Variants in SLC5A8 observed in about 807,000 individuals in gnomAD.
SLC5A8 encodes the protein solute carrier family 5 member 8.
A neutral mutation model predicts 71.9 loss-of-function variants in SLC5A8; 55 were observed. The observed-to-expected ratio is 0.77, with a 90% CI of 0.62 to 0.96. SLC5A8 has a LOEUF of 0.96. Ranked by LOEUF, SLC5A8 falls within the 40% of genes least tolerant of loss-of-function variation. The pLI is 0.00. For synonymous variants in SLC5A8, 307 were observed against 276.1 expected (o/e 1.11, Z -1.11); for missense variants, 701 against 745.3 (o/e 0.94, Z 0.69).
At chr12:101,177,673 T>C (rs764518724) in intron 10 of SLC5A8, among the ~76,000 whole-genome samples, 6 of 152,144 alleles carry the variant, frequency 3.9e-5, no homozygotes, top group Admixed American at 6.6e-5. Context: ...ATCCATCCTG[T>C]AAGCAGGCTA....
At chr12:101,165,873 T>G (rs1219298846) in intron 12 of SLC5A8, among the ~76,000 whole-genome samples, 1 of 152,178 alleles carries the variant, frequency 6.6e-6, no homozygotes, top group African/African-American at 2.4e-5. Context: ...CACTTATATA[T>G]CCACTAAAGA....
chr12:101,181,585 T>C (rs1250533464), intron 9 of SLC5A8, among the ~76,000 whole-genome samples: 1 of 152,192 alleles, frequency 6.6e-6, no homozygotes, highest in African/African-American at 2.4e-5. Context: ...CCATTTCCTA[T>C]ATAGAGAAAT....
At chr12:101,192,439 A>C (rs1868955698) in intron 5 of SLC5A8, among the ~76,000 whole-genome samples, 1 of 152,192 alleles carries the variant, frequency 6.6e-6, no homozygotes, top group Non-Finnish European at 1.5e-5. Flanking sequence ...GCCTATGTTA[A>C]AGCGGGGCTG....
At chr12:101,160,792 C>T (rs1430013888) in intron 13 of SLC5A8, among the ~76,000 whole-genome samples, 3 of 151,768 alleles carry the variant, frequency 2.0e-5, no homozygotes, top group Admixed American at 6.6e-5. Flanking sequence ...CTAAAAGACA[C>T]GGAGAGGAAA....
At chr12:101,175,170 A>T (rs954566027) in intron 10 of SLC5A8, among the ~76,000 whole-genome samples, 2 of 152,122 alleles carry the variant, frequency 1.3e-5, no homozygotes, top group African/African-American at 4.8e-5. Context: ...TGAAATAAAA[A>T]ATTTTAAATG....
intron 11 of SLC5A8, among the ~76,000 whole-genome samples, chr12:101,167,029 T>G (rs1566307380): frequency 6.6e-6 from 1 of 151,756 alleles, no homozygotes. Context: ...AAGAATAGTA[T>G]GTTATTCTTC....
chr12:101,179,337 C>G (rs1399746589), intron 10 of SLC5A8, among the ~76,000 whole-genome samples: 5 of 152,170 alleles, frequency 3.3e-5, no homozygotes, highest in African/African-American at 1.2e-4. Flanking sequence ...CACACAAAAA[C>G]CTTTATGTAA....
chr12:101,157,517 T>C lies in SLC5A8; in HGVS notation c.1711-116A>G, dbSNP rs2051676728. 4 of 1,270,876 alleles carry C rather than the reference T, an allele frequency of 3.1e-6. No homozygotes were observed. The South Asian group carries it at 6.3e-5, about 20-fold the overall frequency. The allele number at this position is 1,270,876 out of a possible 1,614,324, so 78.7% of individuals were successfully genotyped here. A position where few individuals can be genotyped will look rare whatever the true frequency, so the allele number is the denominator to read the frequency against. Reference sequence around the variant, plus strand: ...TCTCTGCATCAGCTTTCTAATCTACTGAGGGAGAGAAATATATAACAGGTA... The same window carrying C: ...TCTCTGCATCAGCTTTCTAATCTACCGAGGGAGAGAAATATATAACAGGTA... On this transcript the variant is annotated intron_variant, in intron 14 of 14. Transcript: ENST00000536262.
rs372037764 is a variant in SLC5A8, at chr12:101,158,276, A to G, written c.1683T>C (p.Phe561=). ...DPRYILTKED[F]LSNFDIFKKK... is the part of the protein sequence containing the mutation. ...TCTTAAAAATATCAAAATTGGATAAAAAGTCCTCTTTGGTTAGTATGTATC... is the reference window on the plus strand; with the variant it reads ...TCTTAAAAATATCAAAATTGGATAAGAAGTCCTCTTTGGTTAGTATGTATC... The change falls in exon 14 of 15, where the codon TTT becomes TTC. Residue 561 remains phenylalanine (F), a synonymous_variant. Coordinates refer to ENST00000536262, the MANE Select transcript of SLC5A8 (RefSeq NM_145913.5). 7 of 1,592,212 alleles carry G rather than the reference A, an allele frequency of 4.4e-6. No homozygotes were observed. The African/African-American group carries it at 9.5e-5, about 22-fold the overall frequency.
chr12:101,170,086 G>A (rs952332874), intron 10 of SLC5A8, among the ~76,000 whole-genome samples: 4 of 152,202 alleles, frequency 2.6e-5, no homozygotes, highest in Admixed American at 2.0e-4. Context: ...TGCAGGCAGA[G>A]GGAGAAGTCT....
At chr12:101,196,538 A>G (rs1869185825) in intron 3 of SLC5A8, among the ~76,000 whole-genome samples, 1 of 152,138 alleles carries the variant, frequency 6.6e-6, no homozygotes, top group South Asian at 2.1e-4. Context: ...TTCCACATAA[A>G]TATAAAGTTA....
intron 13 of SLC5A8, 43 bp from the exon 14 acceptor site, chr12:101,158,371 AC>A: frequency 8.2e-7 from 1 of 1,226,844 alleles, no homozygotes; most frequent in Non-Finnish European, 1.2e-6. Flanking sequence ...TAAAAAGGAC[AC>A]CAGTAACTAC....
chr12:101,173,183 G>T (rs1415899221), intron 10 of SLC5A8, among the ~76,000 whole-genome samples: 1 of 152,222 alleles, frequency 6.6e-6, no homozygotes, highest in Non-Finnish European at 1.5e-5. Flanking sequence ...TTTAAAGATA[G>T]CCGCTGGCTG....
chr12:101,188,836 G>T (rs981006621), intron 6 of SLC5A8, among the ~76,000 whole-genome samples: 5 of 152,122 alleles, frequency 3.3e-5, no homozygotes, highest in Admixed American at 3.3e-4. Flanking sequence ...ATACTCTCTT[G>T]TCCAAACACC....
intron 13 of SLC5A8, among the ~76,000 whole-genome samples, chr12:101,160,105 G>A (rs1037345299): frequency 1.8e-4 from 28 of 152,028 alleles, no homozygotes; most frequent in African/African-American, 5.8e-4. Context: ...TCCCTTGAAC[G>A]CAGGAGGCAG....
At chr12:101,195,806 C>T (rs1362701656) in intron 3 of SLC5A8, among the ~76,000 whole-genome samples, 3 of 150,602 alleles carry the variant, frequency 2.0e-5, no homozygotes, top group South Asian at 4.2e-4. Flanking sequence ...AAGCAATTCA[C>T]CTGACTCAGC....
At chr12:101,165,254 TA>T (rs2051758596) in intron 12 of SLC5A8, among the ~76,000 whole-genome samples, 2 of 152,234 alleles carry the variant, frequency 1.3e-5, no homozygotes, top group Non-Finnish European at 2.9e-5. Context: ...AGGCATAGAA[TA>T]AACTTCAGCT....
rs2051686842 is a variant in SLC5A8, at chr12:101,158,313, TTC to T, written c.1644_1645del (p.Asn549LeufsTer17). The T allele has an allele frequency of 6.3e-7, 1 of 1,584,014 alleles. No homozygotes were observed. Among genetic ancestry groups the T allele is most frequent in the South Asian group, 1.1e-5 (1 of 87,002 alleles). On this transcript the variant is annotated frameshift_variant, in exon 14 of 15. Coordinates refer to ENST00000536262, the MANE Select transcript of SLC5A8 (RefSeq NM_145913.5). LOFTEE classifies it high-confidence loss of function. The stretch of plus-strand genomic sequence containing the variant: ...GGTTAGTATGTATCTGGGGTCTAAG[TTC>T]TGTTTTCTTCCTCCTGGAAAAAAAA...
chr12:101,182,949 A>G, intron 8 of SLC5A8, 34 bp from the exon 9 acceptor site: 4 of 1,220,244 alleles, frequency 3.3e-6, no homozygotes, highest in Non-Finnish European at 4.4e-6. Context: ...GATTTATAAT[A>G]TTTTACCTTT....
Sources: allele counts gnomAD v4.1 joint callset (sites outside exome capture counted in the v4.1 genomes callset), GRCh38; gene constraint gnomAD v4.1.1; transcripts MANE v1.5; gene names NCBI Gene and HGNC (gene_info 2026-07-23, HGNC 2026-07-21).